The following ZBTB20 variants were observed in gnomAD, a reference collection of about 807,000 sequenced individuals.
ZBTB20 encodes the protein zinc finger and BTB domain containing 20, also known as zinc finger and BTB domain-containing protein 20.
ZBTB20 carries 9 observed loss-of-function variants against 56.9 expected under a neutral mutation model. That is an observed-to-expected ratio of 0.16 (90% confidence interval 0.10 to 0.28). The LOEUF is 0.28. Among genes scored for constraint, ZBTB20 ranks in the 10% least tolerant of loss-of-function variants. The probability of loss-of-function intolerance (pLI) is 1.00; values close to 1 mark genes in which losing one functional copy is unlikely to be tolerated. For synonymous variants in ZBTB20, 417 were observed against 420.7 expected (o/e 0.99, Z 0.11); for missense variants, 655 against 1,003.0 (o/e 0.65, Z 4.69).
At chr3:114,470,140 C>A (rs555590821) in intron 7 of ZBTB20, among the ~76,000 whole-genome samples, 1 of 152,064 alleles carries the variant, frequency 6.6e-6, no homozygotes, top group Non-Finnish European at 1.5e-5. Context: ...TGGTATCTCT[C>A]CATAAAATGT....
At chr3:114,581,491 G>T (rs1175510697) in intron 6 of ZBTB20, among the ~76,000 whole-genome samples, 1 of 151,788 alleles carries the variant, frequency 6.6e-6, no homozygotes, top group African/African-American at 2.4e-5. Context: ...TACAAATTGG[G>T]AAAAAATCTT....
intron 7 of ZBTB20, among the ~76,000 whole-genome samples, chr3:114,476,404 T>C (rs1318653743): frequency 6.6e-6 from 1 of 152,246 alleles, no homozygotes; most frequent in African/African-American, 2.4e-5. Flanking sequence ...AGCATATTTA[T>C]GTCTTAATTC....
intron 7 of ZBTB20, among the ~76,000 whole-genome samples, chr3:114,488,487 T>C (rs1287444410): frequency 6.6e-6 from 1 of 152,230 alleles, no homozygotes; most frequent in Admixed American, 6.5e-5. Flanking sequence ...CATGTATTTT[T>C]TAAAAAGTTT....
At chr3:114,992,517 A>G (rs993229138) in intron 2 of ZBTB20, among the ~76,000 whole-genome samples, 1 of 151,980 alleles carries the variant, frequency 6.6e-6, no homozygotes, top group Non-Finnish European at 1.5e-5. Context: ...GTGTCAGACA[A>G]AAAGAAAGAA....
chr3:114,748,552 C>T (rs2067300831), intron 5 of ZBTB20, among the ~76,000 whole-genome samples: 1 of 152,032 alleles, frequency 6.6e-6, no homozygotes, highest in African/African-American at 2.4e-5. Context: ...CTAGTCTACA[C>T]TAACTCTCAG....
At chr3:115,028,703 T>A (rs2080532057) in intron 2 of ZBTB20, among the ~76,000 whole-genome samples, 1 of 150,490 alleles carries the variant, frequency 6.6e-6, no homozygotes, top group African/African-American at 2.4e-5. Flanking sequence ...CTAATATATA[T>A]GATAAATTTA....
At chr3:114,509,732 T>G (rs1283325750) in intron 6 of ZBTB20, among the ~76,000 whole-genome samples, 2 of 152,142 alleles carry the variant, frequency 1.3e-5, no homozygotes, top group African/African-American at 4.8e-5. Flanking sequence ...CACTGAAATT[T>G]TATTAACATA....
intron 10 of ZBTB20, among the ~76,000 whole-genome samples, chr3:114,362,918 CA>C (rs1264575250): frequency 2.0e-5 from 3 of 152,082 alleles, no homozygotes; most frequent in Non-Finnish European, 4.4e-5. Flanking sequence ...GCATTGATAA[CA>C]GGGTATTTAT....
chr3:114,882,066 T>C (rs1308603798), intron 4 of ZBTB20, among the ~76,000 whole-genome samples: 1 of 151,670 alleles, frequency 6.6e-6, no homozygotes, highest in Admixed American at 6.6e-5. Flanking sequence ...CTACAGAAAA[T>C]TTATTTTCCA....
chr3:114,608,280 C>T (rs566099200), intron 6 of ZBTB20, among the ~76,000 whole-genome samples: 45 of 152,240 alleles, frequency 3.0e-4, no homozygotes, highest in Admixed American at 1.7e-3. Context: ...TAAATCATTT[C>T]CCCTATGTTC....
intron 5 of ZBTB20, among the ~76,000 whole-genome samples, chr3:114,709,251 GTTC>G (rs1397965307): frequency 1.3e-5 from 2 of 152,066 alleles, no homozygotes; most frequent in Non-Finnish European, 2.9e-5. Context: ...CAGTTTCATA[GTTC>G]TTCTCATTCT....
At chr3:114,611,868 TGTAA>T (rs1391607058) in intron 6 of ZBTB20, among the ~76,000 whole-genome samples, 3 of 152,220 alleles carry the variant, frequency 2.0e-5, no homozygotes, top group African/African-American at 7.2e-5. Flanking sequence ...TGCTTGTCTC[TGTAA>T]GTGTTTCAGT....
intron 6 of ZBTB20, among the ~76,000 whole-genome samples, chr3:114,542,253 C>A (rs980050315): frequency 4.6e-5 from 7 of 152,248 alleles, no homozygotes; most frequent in Non-Finnish European, 8.8e-5. Context: ...ATATTTTCTT[C>A]AAATTTTATG....
At chr3:115,138,266 C>T (rs992223187) in intron 1 of ZBTB20, among the ~76,000 whole-genome samples, 4 of 152,054 alleles carry the variant, frequency 2.6e-5, no homozygotes, top group African/African-American at 9.7e-5. Context: ...CCTGCTTTAA[C>T]ATGGTACCCA....
intron 5 of ZBTB20, among the ~76,000 whole-genome samples, chr3:114,748,368 C>CTCTCTCTCTCTCTCTCTCTCTT (rs1444522234): frequency 1.4e-5 from 2 of 144,338 alleles, no homozygotes; most frequent in African/African-American, 2.6e-5. Context: ...CTCTCTCTCT[C>CTCTCTCTCTCTCTCTCTCTCTT]TCTCTCTCTC....
chr3:114,603,950 C>T (rs1330104078), intron 6 of ZBTB20, among the ~76,000 whole-genome samples: 1 of 151,968 alleles, frequency 6.6e-6, no homozygotes, highest in African/African-American at 2.4e-5. Flanking sequence ...GCCAATGGAG[C>T]TGCTAATTGA....
chr3:114,439,016 A>G (rs1174772555), intron 7 of ZBTB20, among the ~76,000 whole-genome samples: 1 of 152,116 alleles, frequency 6.6e-6, no homozygotes, highest in African/African-American at 2.4e-5. Flanking sequence ...ATTCTGCAAC[A>G]AGGATCAGAA....
intron 5 of ZBTB20, among the ~76,000 whole-genome samples, chr3:114,749,568 AAAGGAAGGAAGGAAGGAAGG>A (rs71146333): frequency 3.2e-4 from 44 of 135,964 alleles, no homozygotes; most frequent in East Asian, 1.3e-3. Context: ...GAAAGAAAGA[AAAGGAAGGAAGGAAGGAAGG>A]AAGGAAGGAA....
At chr3:115,088,648 A>G (rs745623031) in intron 1 of ZBTB20, among the ~76,000 whole-genome samples, 1 of 151,878 alleles carries the variant, frequency 6.6e-6, no homozygotes, top group Non-Finnish European at 1.5e-5. Flanking sequence ...TCCATACAGG[A>G]TAAGTGAGAA....
Sources: allele counts gnomAD v4.1 joint callset (sites outside exome capture counted in the v4.1 genomes callset), GRCh38; gene constraint gnomAD v4.1.1; transcripts MANE v1.5; gene names NCBI Gene and HGNC (gene_info 2026-07-23, HGNC 2026-07-21).